The following OTOG variants were observed in gnomAD, a reference collection of about 807,000 sequenced individuals.
The protein encoded by OTOG is otogelin.
OTOG carries 296 observed loss-of-function variants against 313.8 expected under a neutral mutation model. The ratio of observed to expected loss-of-function variants is 0.94; its 90% CI spans 0.86 to 1.04. The LOEUF is 1.04. OTOG is among the 50% of genes least tolerant of loss of function. The pLI is 0.00. For missense variants in OTOG, 3,948 were observed against 3,840.1 expected, an observed-to-expected ratio of 1.03 and a Z score of -0.74; for synonymous variants, 1,533 against 1,554.9, an observed-to-expected ratio of 0.99 and a Z score of 0.33.
intron 39 of OTOG, among the ~76,000 whole-genome samples, chr11:17,623,328 T>C: frequency 6.6e-6 from 1 of 152,148 alleles, no homozygotes. Context: ...CCCCAGTATC[T>C]GTTGTTCCCC....
At position 17,593,310 on chromosome 11, in the gene OTOG, G is replaced by A; in HGVS notation, c.3124G>A (p.Asp1042Asn). ...TGGGAACTCACTCATTGTCTTTGAT[G>A]ATGACTCCGGAAATCCTGTAAGGCT... The part of the protein sequence containing the change: ...NVGNSLIVFD[D>N]DSGNPSPESF... The change falls in exon 26 of 56, where the codon GAT (aspartate) becomes AAT (asparagine). Residue 1042 changes from aspartate to asparagine, a missense_variant. Transcript: ENST00000399397. 6.4e-7 allele frequency: 1 copy of A among 1,550,630 alleles called. No individual in the cohort carries two copies. The highest frequency in any genetic ancestry group is 8.7e-7 in the Non-Finnish European group (1 of 1,146,990).
At chr11:17,595,972 T>A (rs1853089244) in intron 28 of OTOG, 66 bp from the exon 29 acceptor site, 2 of 1,118,198 alleles carry the variant, frequency 1.8e-6, no homozygotes, top group Non-Finnish European at 2.7e-6. Context: ...CTAAAATCTG[T>A]CTGTCATGTC....
At position 17,570,274 on chromosome 11, in the gene OTOG, G is replaced by A; in HGVS notation, c.1839G>A (p.Val613=). 1 of 1,550,862 alleles carries A rather than the reference G, an allele frequency of 6.4e-7. No homozygotes were observed. Residue 613 remains valine (V), a synonymous_variant, in exon 17 of 56, where the codon GTG becomes GTA. Transcript: ENST00000399397. Reference sequence around the variant, plus strand: ...TGCGGGTGAGGACGAACGTGGGCGTGCGGGTGCTCTACGACCGTGAAGGGC... The same window carrying A: ...TGCGGGTGAGGACGAACGTGGGCGTACGGGTGCTCTACGACCGTGAAGGGC... ...VFLRVRTNVG[V]RVLYDREGLR...
chr11:17,609,894 C>A lies in OTOG; in HGVS notation c.4594C>A (p.Gln1532Lys). ...AGGCCCCACCCAGACCACCCTGCAGCAGCCACTGGAGCTCACTGCATCTCA... is the reference window on the plus strand; with the variant it reads ...AGGCCCCACCCAGACCACCCTGCAGAAGCCACTGGAGCTCACTGCATCTCA... ...SPGPTQTTLQ[Q>K]PLELTASQLP... The change falls in exon 36 of 56, where the codon CAG becomes AAG. Residue 1532 changes from glutamine (Q) to lysine (K), a missense_variant. By Grantham distance (53) the Gln-to-Lys change is moderately conservative. Coordinates refer to ENST00000399397, the MANE Select transcript of OTOG (RefSeq NM_001292063.2). The A allele has an allele frequency of 6.6e-7, 1 of 1,516,214 alleles. No individual in the cohort carries two copies. The highest frequency in any genetic ancestry group is 8.9e-7 in the Non-Finnish European group (1 of 1,127,646). The allele number at this position is 1,516,214 out of a possible 1,614,324, so 93.9% of individuals were successfully genotyped here.
intron 8 of OTOG, 136 bp from the exon 9 acceptor site, chr11:17,558,049 G>T: frequency 8.9e-7 from 1 of 1,122,806 alleles, no homozygotes; most frequent in Non-Finnish European, 1.2e-6. Context: ...CCCTGATTGG[G>T]ATGGGAGCTC....
intron 25 of OTOG, among the ~76,000 whole-genome samples, chr11:17,592,349 T>C (rs1852967381): frequency 6.6e-6 from 1 of 152,244 alleles, no homozygotes; most frequent in Admixed American, 6.5e-5. Context: ...GGCACTGTAC[T>C]GGGGTCTTTC....
intron 23 of OTOG, 139 bp downstream of exon 23, chr11:17,578,665 T>G: frequency 8.9e-7 from 1 of 1,122,618 alleles, no homozygotes; most frequent in Non-Finnish European, 1.2e-6. Context: ...ACAGCTGTAA[T>G]GGCCAGAGAG....
At chr11:17,640,002 ATGG>A (rs1417726017) in intron 49 of OTOG, among the ~76,000 whole-genome samples, 2 of 144,368 alleles carry the variant, frequency 1.4e-5, no homozygotes, top group Non-Finnish European at 3.0e-5. Context: ...GACGATGGTG[ATGG>A]TGGTGATAAT....
chr11:17,594,996 G>A (rs189381281), intron 28 of OTOG, among the ~76,000 whole-genome samples: 12 of 152,364 alleles, frequency 7.9e-5, no homozygotes, highest in Non-Finnish European at 1.5e-4. Context: ...AGGAGCAGCA[G>A]TGGAGAGTGG....
intron 1 of OTOG, 193 bp downstream of exon 1, chr11:17,547,659 G>A (rs992386669): frequency 1.9e-6 from 2 of 1,077,926 alleles, no homozygotes; most frequent in Non-Finnish European, 2.4e-6. Context: ...TGACCGCGGG[G>A]GAAAGAGTCC....
intron 49 of OTOG, among the ~76,000 whole-genome samples, chr11:17,639,758 A>G (rs1193843752): frequency 6.6e-6 from 1 of 151,740 alleles, no homozygotes; most frequent in East Asian, 1.9e-4. Context: ...GACAGTGAGG[A>G]GGATGGTGGT....
At position 17,557,531 on chromosome 11, in the gene OTOG, C is replaced by T. The variant is rs146123524; in HGVS notation, c.865+208C>T. Among the ~76,000 whole-genome samples the T allele has an allele frequency of 3.0e-4, 45 of 152,234 alleles. No individual in the cohort carries two copies. The East Asian group carries it at 8.3e-3, about 28-fold the overall frequency. ...CTGTCAACCCCAGGTTCCTAATCTG[C>T]AAAAATAGTCATGATAAGAATTCCC... On this transcript the variant is annotated intron_variant, in intron 8 of 55. Transcript: ENST00000399397.
At chr11:17,623,777 G>T (rs763109270) in intron 39 of OTOG, among the ~76,000 whole-genome samples, 2 of 152,132 alleles carry the variant, frequency 1.3e-5, no homozygotes, top group Admixed American at 6.5e-5. Context: ...ATGTGTAAGT[G>T]TTCCTTTTTC....
chr11:17,634,172 C>T lies in OTOG; in HGVS notation c.7371C>T (p.Val2457=), dbSNP rs1195526348. Residue 2457 remains valine, a synonymous_variant, in exon 44 of 56, where the codon GTC becomes GTT. Coordinates refer to ENST00000399397, the MANE Select transcript of OTOG (RefSeq NM_001292063.2). ...AGTGCCAAGCCCCAGACACCATTGT[C>T]CCGGTGGATCTGGGCTGCCCCAGTC... ...QHQCQAPDTI[V]PVDLGCPSPR... The T allele has an allele frequency of 6.5e-7, 1 of 1,550,288 alleles. No individual in the cohort carries two copies. The highest frequency in any genetic ancestry group is 8.7e-7 in the Non-Finnish European group (1 of 1,146,948).
At chr11:17,635,791 T>G in intron 47 of OTOG, 80 bp downstream of exon 47, 1 of 1,204,956 alleles carries the variant, frequency 8.3e-7, no homozygotes. Context: ...CAATGGGGGT[T>G]GACAGGGAGC....
At chr11:17,598,782 TAA>T (rs1189540337) in intron 30 of OTOG, among the ~76,000 whole-genome samples, 1 of 152,220 alleles carries the variant, frequency 6.6e-6, no homozygotes, top group Non-Finnish European at 1.5e-5. Context: ...GGAGATTTTC[TAA>T]TTTTCTGGTT....
rs1466165444 is a variant in OTOG at position 17,572,199 on chromosome 11, A to G, written c.2075A>G (p.Gln692Arg). The stretch of plus-strand genomic sequence containing the variant: ...CTGGACCCCTGCGATGTGCACCTGC[A>G]AGCCGGTGAGTTGGTGGGGGAAGAG... ...SPLDPCDVHL[Q>R]AASYSVQACS... Residue 692 changes from glutamine to arginine, a missense_variant, in exon 18 of 56, where the codon CAA (glutamine) becomes CGA (arginine). Physicochemically the swap from Gln to Arg is conservative, Grantham distance 43. Transcript: ENST00000399397. 8.4e-6 allele frequency: 13 copies of G among 1,550,290 alleles called. No homozygotes were observed. The highest frequency in any genetic ancestry group is 3.3e-4 in the Middle Eastern group (2 of 6,012).
chr11:17,565,874 G>A (rs900008177), intron 15 of OTOG, among the ~76,000 whole-genome samples: 2 of 151,994 alleles, frequency 1.3e-5, no homozygotes, highest in Non-Finnish European at 2.9e-5. Context: ...TACTTTCTGG[G>A]CCTATTAGAT....
chr11:17,626,623 A>T (rs985610725), intron 39 of OTOG, among the ~76,000 whole-genome samples: 56 of 152,140 alleles, frequency 3.7e-4, no homozygotes, highest in African/African-American at 1.3e-3. Context: ...AATTCCATGT[A>T]TATTTTAGGG....
Sources: allele counts gnomAD v4.1 joint callset (sites outside exome capture counted in the v4.1 genomes callset), GRCh38; gene constraint gnomAD v4.1.1; transcripts MANE v1.5; gene names NCBI Gene and HGNC (gene_info 2026-07-23, HGNC 2026-07-21).